The following SCMH1 variants were observed in gnomAD, a reference collection of about 807,000 sequenced individuals.
SCMH1 encodes the protein polycomb protein SCMH1.
In SCMH1, 37 loss-of-function variants were observed where a neutral mutation model predicts 70.8. That is an observed-to-expected ratio of 0.52 (90% CI 0.40 to 0.69). The LOEUF is 0.69. Among genes scored for constraint, SCMH1 ranks in the 30% least tolerant of loss-of-function variants. The pLI is 0.00. For missense variants in SCMH1, 607 were observed against 827.3 expected (o/e 0.73, Z 3.27); for synonymous variants, 292 against 307.4 (o/e 0.95, Z 0.52).
At chr1:41,153,830 C>G (rs1324010728) in intron 4 of SCMH1, among the ~76,000 whole-genome samples, 1 of 152,128 alleles carries the variant, frequency 6.6e-6, no homozygotes, top group East Asian at 1.9e-4. Context: ...TATTGTAATG[C>G]CCATGATGAA....
chr1:41,212,157 TATAA>T (rs1341488407), intron 1 of SCMH1, among the ~76,000 whole-genome samples: 1 of 152,068 alleles, frequency 6.6e-6, no homozygotes, highest in South Asian at 2.1e-4. Flanking sequence ...GAACTTAAAG[TATAA>T]ATAAATAAAT....
At chr1:41,141,896 G>T (rs1204617650) in intron 6 of SCMH1, among the ~76,000 whole-genome samples, 1 of 152,058 alleles carries the variant, frequency 6.6e-6, no homozygotes, top group East Asian at 1.9e-4. Context: ...CATTATCATT[G>T]GCTTATTTGT....
chr1:41,158,315 G>C (rs929493371), intron 4 of SCMH1, among the ~76,000 whole-genome samples: 1 of 152,166 alleles, frequency 6.6e-6, no homozygotes, highest in African/African-American at 2.4e-5. Flanking sequence ...AGAATCTAGT[G>C]AGGGACAGAG....
rs1645881063 is a variant in SCMH1 at position 41,159,975 on chromosome 1, A to C, written c.106+900T>G. On this transcript the variant is annotated intron_variant, in intron 4 of 14. Coordinates refer to ENST00000337495, the Ensembl canonical transcript of SCMH1. ...ATGGGATTATTATCCCCATTTTACA[A>C]ATAAGAAAACTAAGGATCAGAGTCA... 4 of 481,500 alleles carry C rather than the reference A, an allele frequency of 8.3e-6. No homozygotes were observed. The South Asian group carries it at 3.6e-4, about 44-fold the overall frequency. 29.8% of individuals were successfully genotyped at this position (481,500 alleles called of 1,614,324 possible).
At chr1:41,120,289 T>C (rs1463682117) in intron 6 of SCMH1, among the ~76,000 whole-genome samples, 2 of 152,194 alleles carry the variant, frequency 1.3e-5, no homozygotes, top group Admixed American at 6.5e-5. Context: ...AATATTATCA[T>C]AATAGTTAAT....
chr1:41,234,762 CCG>C (rs1031091872), intron 1 of SCMH1, among the ~76,000 whole-genome samples: 45 of 152,104 alleles, frequency 3.0e-4, no homozygotes, highest in African/African-American at 1.0e-3. Context: ...GCATGAGCCA[CCG>C]CGCCCGGCAA....
intron 1 of SCMH1, among the ~76,000 whole-genome samples, chr1:41,224,695 C>T (rs1432799697): frequency 1.3e-5 from 2 of 152,106 alleles, no homozygotes; most frequent in Non-Finnish European, 2.9e-5. Context: ...AATAATTTAA[C>T]TGGTGTAAAG....
intron 6 of SCMH1, among the ~76,000 whole-genome samples, chr1:41,127,840 C>T (rs1216633297): frequency 6.6e-6 from 1 of 152,104 alleles, no homozygotes; most frequent in East Asian, 1.9e-4. Flanking sequence ...GAGAAGGCAG[C>T]CATAAGATGG....
At chr1:41,222,374 TAAAC>T (rs934920227) in intron 1 of SCMH1, among the ~76,000 whole-genome samples, 8 of 152,202 alleles carry the variant, frequency 5.3e-5, no homozygotes, top group Admixed American at 4.6e-4. Context: ...TTGCAAAAGT[TAAAC>T]AAAATCAAAC....
chr1:41,114,087 T>C (rs1669872164), intron 7 of SCMH1, among the ~76,000 whole-genome samples: 1 of 152,216 alleles, frequency 6.6e-6, no homozygotes, highest in Admixed American at 6.5e-5. Flanking sequence ...TTCCAATTGT[T>C]TACTATTTTA....
intron 1 of SCMH1, among the ~76,000 whole-genome samples, chr1:41,241,818 C>G (rs1663627975): frequency 6.6e-6 from 1 of 151,874 alleles, no homozygotes; most frequent in African/African-American, 2.4e-5. Context: ...GTGGGCCCCG[C>G]CCGCCCGACC....
intron 8 of SCMH1, among the ~76,000 whole-genome samples, chr1:41,100,755 A>G (rs1437111040): frequency 6.6e-6 from 1 of 151,946 alleles, no homozygotes; most frequent in Non-Finnish European, 1.5e-5. Flanking sequence ...TAGTACAGAC[A>G]GGGTTTCACC....
intron 1 of SCMH1, among the ~76,000 whole-genome samples, chr1:41,225,002 G>A (rs1659990496): frequency 6.6e-6 from 1 of 152,038 alleles, no homozygotes; most frequent in Non-Finnish European, 1.5e-5. Flanking sequence ...GCTTCTCTTG[G>A]CAATAAGAGA....
intron 10 of SCMH1, among the ~76,000 whole-genome samples, chr1:41,053,534 A>T (rs1006300378): frequency 2.0e-5 from 3 of 152,214 alleles, no homozygotes; most frequent in Admixed American, 2.0e-4. Context: ...GTGAAAGTGG[A>T]TCCTTCAGTC....
At chr1:41,222,528 C>T (rs1042836152) in intron 1 of SCMH1, among the ~76,000 whole-genome samples, 17 of 152,118 alleles carry the variant, frequency 1.1e-4, no homozygotes, top group African/African-American at 4.1e-4. Flanking sequence ...TAGGAATGCA[C>T]CTTCTATAAT....
intron 2 of SCMH1, among the ~76,000 whole-genome samples, chr1:41,176,758 C>T (rs949769035): frequency 6.6e-6 from 1 of 152,180 alleles, no homozygotes; most frequent in African/African-American, 2.4e-5. Flanking sequence ...CCAGGAAGCT[C>T]GAACTGGGTG....
chr1:41,123,460 C>T lies in SCMH1; in HGVS notation c.413-6450G>A, dbSNP rs1672438045. Among the ~76,000 whole-genome samples the T allele has an allele frequency of 2.0e-5, 3 of 152,322 alleles. No individual in the cohort carries two copies. In the South Asian group the frequency reaches 6.2e-4, roughly 32 times the overall value. On this transcript the variant is annotated intron_variant, in intron 6 of 14. Coordinates refer to ENST00000337495, the Ensembl canonical transcript of SCMH1. The stretch of plus-strand genomic sequence containing the variant: ...GGGCCTCATTAAAGGCTAGCTTCTA[C>T]TCCAGCTCAGTGACTCTCAAACTTG...
intron 1 of SCMH1, among the ~76,000 whole-genome samples, chr1:41,191,102 TG>T (rs1187242931): frequency 6.6e-6 from 1 of 152,222 alleles, no homozygotes; most frequent in Non-Finnish European, 1.5e-5. Flanking sequence ...CTTGAACTCC[TG>T]GCCTCAAGCA....
chr1:41,095,583 T>C (rs1664849932), intron 8 of SCMH1, among the ~76,000 whole-genome samples: 1 of 152,358 alleles, frequency 6.6e-6, no homozygotes, highest in African/African-American at 2.4e-5. Flanking sequence ...ATGTTTTCTA[T>C]ATAAAAATAT....
Sources: gnomAD v4.1 joint callset for allele counts (sites outside exome capture counted in the v4.1 genomes callset) on GRCh38, gnomAD v4.1.1 for gene constraint, MANE v1.5 for transcripts, NCBI Gene and HGNC (gene_info 2026-07-23, HGNC 2026-07-21) for gene names.